Variants in SP140L observed in about 807,000 individuals in gnomAD.
SP140L encodes the protein SP140 like nuclear body protein, also known as nuclear body protein SP140-like protein.
Under a neutral mutation model 84.3 loss-of-function variants are expected in SP140L, and 64 were observed. The observed-to-expected ratio is 0.76, with a 90% CI of 0.62 to 0.94. SP140L has a LOEUF of 0.94. Ranked by LOEUF, SP140L falls within the 40% of genes least tolerant of loss-of-function variation. The pLI is 0.00. For synonymous variants in SP140L, 242 were observed against 236.9 expected, an observed-to-expected ratio of 1.02 and a Z score of -0.20; for missense variants, 628 against 692.5, an observed-to-expected ratio of 0.91 and a Z score of 1.05.
intron 5 of SP140L, among the ~76,000 whole-genome samples, chr2:230,362,513 T>G (rs575494110): frequency 1.4e-4 from 21 of 151,822 alleles, no homozygotes; most frequent in African/African-American, 2.7e-4. Context: ...GGAGAGGATG[T>G]AGGTATTGAG....
intron 2 of SP140L, among the ~76,000 whole-genome samples, chr2:230,354,373 T>TA (rs2060453782): frequency 6.6e-6 from 1 of 152,314 alleles, no homozygotes; most frequent in South Asian, 2.1e-4. Context: ...AGATAGGAAC[T>TA]CAGCAAATTA....
intron 7 of SP140L, among the ~76,000 whole-genome samples, chr2:230,378,025 G>C (rs995721700): frequency 1.3e-5 from 2 of 151,776 alleles, no homozygotes; most frequent in Non-Finnish European, 2.9e-5. Flanking sequence ...TTCTTTTTTT[G>C]CATGTGGATA....
At chr2:230,346,460 A>T (rs896274256) in intron 2 of SP140L, among the ~76,000 whole-genome samples, 1 of 152,146 alleles carries the variant, frequency 6.6e-6, no homozygotes, top group Non-Finnish European at 1.5e-5. Context: ...TTACTTCTTT[A>T]AATTGACTTT....
rs571326706 is a variant in SP140L at position 230,333,572 on chromosome 2, G to A, written c.107+4741G>A. 3.5e-4 allele frequency among the ~76,000 whole-genome samples: 53 copies of A among 152,208 alleles called. 1 individual carries two copies. In the South Asian group the frequency reaches 0.011, roughly 30 times the overall value. On this transcript the variant is annotated intron_variant, in intron 2 of 18. Coordinates refer to ENST00000415673, the MANE Select transcript of SP140L (RefSeq NM_138402.6). Reference sequence around the variant, plus strand: ...AATTCTCATGATGGTTTGCCTTGGCGTGAGTGTTGTGCTTAGTTCTCCGGG... The same window carrying A: ...AATTCTCATGATGGTTTGCCTTGGCATGAGTGTTGTGCTTAGTTCTCCGGG...
intron 2 of SP140L, among the ~76,000 whole-genome samples, chr2:230,340,249 C>T (rs2060000635): frequency 6.7e-6 from 1 of 150,352 alleles, no homozygotes; most frequent in Non-Finnish European, 1.5e-5. Flanking sequence ...TATGTAATGG[C>T]CTTCTTTGTC....
rs2062405919 is a variant in SP140L at position 230,402,662 on chromosome 2, A to ACC, written c.1645-136_1645-135insCC. On this transcript the variant is annotated intron_variant, in intron 18 of 18. Transcript: ENST00000415673. ...ATCACAACACTGCTTTGTACTCCAA[A>ACC]ATACATACCATTATAAATTGTCAAC... The ACC allele has an allele frequency of 5.9e-6, 4 of 673,842 alleles. No homozygotes were observed. The East Asian group carries it at 1.2e-4, about 20-fold the overall frequency. 41.7% of individuals were successfully genotyped at this position (673,842 alleles called of 1,614,324 possible).
At chr2:230,371,498 A>G in intron 6 of SP140L, 100 bp from the exon 7 acceptor site, 3 of 1,097,122 alleles carry the variant, frequency 2.7e-6, no homozygotes, top group South Asian at 1.5e-5. Flanking sequence ...GTAACCAAAC[A>G]TCTTTATAAA....
intron 2 of SP140L, among the ~76,000 whole-genome samples, chr2:230,346,578 CTTTG>C (rs35625962): frequency 0.12 from 18,301 of 151,820 alleles, 1,186 homozygotes; most frequent in East Asian, 0.26. Flanking sequence ...CATTTTCATT[CTTTG>C]TTCTTTTTGC....
intron 11 of SP140L, among the ~76,000 whole-genome samples, 189 bp downstream of exon 11, chr2:230,390,212 C>G (rs146075156): frequency 6.6e-6 from 1 of 152,166 alleles, no homozygotes; most frequent in South Asian, 2.1e-4. Flanking sequence ...GACGCTGACT[C>G]GCACATGGAG....
chr2:230,359,501 T>A (rs563115103), intron 4 of SP140L, among the ~76,000 whole-genome samples: 1 of 152,284 alleles, frequency 6.6e-6, no homozygotes, highest in East Asian at 1.9e-4. Context: ...CTGCCTTGAG[T>A]GACAGTTTAG....
intron 1 of SP140L, among the ~76,000 whole-genome samples, chr2:230,327,585 A>G (rs1218931141): frequency 2.0e-5 from 3 of 152,222 alleles, no homozygotes; most frequent in Non-Finnish European, 2.9e-5. Flanking sequence ...CAGTCGTTTC[A>G]GTCATTTGTG....
intron 2 of SP140L, among the ~76,000 whole-genome samples, chr2:230,337,373 C>A (rs1294657938): frequency 6.6e-6 from 1 of 152,138 alleles, no homozygotes; most frequent in African/African-American, 2.4e-5. Flanking sequence ...TGTTTAAGTT[C>A]ATTGTAGATT....
intron 3 of SP140L, among the ~76,000 whole-genome samples, chr2:230,358,467 T>C (rs1198074572): frequency 3.9e-5 from 6 of 152,150 alleles, no homozygotes; most frequent in African/African-American, 1.4e-4. Flanking sequence ...ATTCCACCCA[T>C]AGGCCCTGTT....
At chr2:230,377,445 A>C (rs1046858301) in intron 7 of SP140L, among the ~76,000 whole-genome samples, 34 of 152,204 alleles carry the variant, frequency 2.2e-4, no homozygotes, top group Admixed American at 2.2e-3. Context: ...AATGCTTTTG[A>C]GATACATCCA....
rs191279401 is a variant in SP140L at position 230,354,579 on chromosome 2, G to A, written c.108-3226G>A. 9.8e-3 allele frequency among the ~76,000 whole-genome samples: 1,495 copies of A among 151,992 alleles called. 9 individuals carry two copies. The highest frequency in any genetic ancestry group is 0.026 in the South Asian group (126 of 4,808). ...AGCCAGGAGTTCAAGACCAGCATAG[G>A]CCACAAAGCAAGACTCTATCTCTAC... On this transcript the variant is annotated intron_variant, in intron 2 of 18. Transcript: ENST00000415673.
intron 7 of SP140L, among the ~76,000 whole-genome samples, chr2:230,383,055 A>G (rs1225705436): frequency 3.3e-5 from 5 of 152,236 alleles, no homozygotes; most frequent in Non-Finnish European, 1.5e-5. Context: ...AAATTCTATA[A>G]TGATTATGTA....
chr2:230,381,711 T>TACACACACACACAC (rs71052506), intron 7 of SP140L, among the ~76,000 whole-genome samples: 1 of 147,168 alleles, frequency 6.8e-6, no homozygotes, highest in East Asian at 2.1e-4. Flanking sequence ...CCTGTCTCTC[T>TACACACACACACAC]ACACACACAC....
chr2:230,364,921 A>G (rs11886574), intron 5 of SP140L, among the ~76,000 whole-genome samples: 39,030 of 151,980 alleles, frequency 0.26, 6,926 homozygotes, highest in East Asian at 0.57. Context: ...CCTTCATTCT[A>G]TTAATGCAAC....
intron 2 of SP140L, chr2:230,342,249 G>A (rs528532084): frequency 2.7e-4 from 42 of 154,334 alleles, no homozygotes; most frequent in South Asian, 5.9e-4. Flanking sequence ...GGAGTGACCC[G>A]ATTTTCCAGG....
Sources: gnomAD v4.1 joint callset for allele counts (sites outside exome capture counted in the v4.1 genomes callset) on GRCh38, gnomAD v4.1.1 for gene constraint, MANE v1.5 for transcripts, NCBI Gene and HGNC (gene_info 2026-07-23, HGNC 2026-07-21) for gene names.